The following MYB variants were observed in gnomAD, a reference collection of about 807,000 sequenced individuals.
MYB encodes MYB proto-oncogene, transcription factor, also known as transcriptional activator Myb.
MYB carries 28 observed loss-of-function variants against 92.9 expected under a neutral mutation model. That is an observed-to-expected ratio of 0.30 (90% CI 0.22 to 0.41). The LOEUF is 0.41. Among genes scored for constraint, MYB ranks in the 10% least tolerant of loss-of-function variants. The pLI is 1.00. For synonymous variants in MYB, 295 were observed against 329.1 expected (o/e 0.90, Z 1.12); for missense variants, 679 against 929.3 (o/e 0.73, Z 3.50).
At chr6:135,199,463 T>C (rs1196567817) in intron 11 of MYB, 5 of 483,588 alleles carry the variant, frequency 1.0e-5, no homozygotes, top group Non-Finnish European at 1.5e-5. Flanking sequence ...TATTTGTTTA[T>C]TATTTATTTA....
rs551904841 is a variant in MYB, at chr6:135,182,880, C to T, written c.23+1344C>T. Reference sequence around the variant, plus strand: ...TGGTTGGGCTCTGGGGACGAGAGGGCGACTTGGGGGAGCTCCGGGCTCCCT... The same window carrying T: ...TGGTTGGGCTCTGGGGACGAGAGGGTGACTTGGGGGAGCTCCGGGCTCCCT... On this transcript the variant is annotated intron_variant, in intron 1 of 15. Transcript: ENST00000341911. This position sits in a 1 kb window ranked among gnomAD's most constrained non-coding sequence, Gnocchi z 5.6. Among the ~76,000 whole-genome samples the T allele has an allele frequency of 6.6e-6, 1 of 152,128 alleles. No homozygotes were observed. Among genetic ancestry groups the T allele is most frequent in the African/African-American group, 2.4e-5 (1 of 41,528 alleles).
chr6:135,212,848 C>G (rs181568392), intron 15 of MYB, among the ~76,000 whole-genome samples: 99 of 152,268 alleles, frequency 6.5e-4, no homozygotes, highest in Non-Finnish European at 1.1e-3. Context: ...AAATGTTCTT[C>G]CAGCACAAAG....
intron 1 of MYB, among the ~76,000 whole-genome samples, chr6:135,184,880 C>T (rs1330274907): frequency 1.3e-5 from 2 of 151,834 alleles, no homozygotes; most frequent in Admixed American, 1.3e-4. Context: ...TAAAATAAAC[C>T]GTGTCTGTAA....
rs754667702 is a variant in MYB, at chr6:135,200,337, A to T, written c.1872A>T (p.Lys624Asn). The change falls in exon 13 of 16, where the codon AAA (lysine) becomes AAT (asparagine). Residue 624 changes from lysine to asparagine, a missense_variant. By Grantham distance (94) the Lys-to-Asn change is moderately conservative. This residue lies in a region of MYB where 402 missense variants were observed against 434.2 expected (regional missense o/e 0.93). Transcript: ENST00000341911. ...TAGAAGATCTGCAGGATGTGATCAA[A>T]CAGGAATCTGATGAATCTGGAATTG... is the stretch of plus-strand genomic sequence containing the variant. ...HLVEDLQDVI[K>N]QESDESGIVA... 1 of 1,614,160 alleles carries T rather than the reference A, an allele frequency of 6.2e-7. No homozygotes were observed. The highest frequency in any genetic ancestry group is 1.7e-5 in the Admixed American group (1 of 60,028).
chr6:135,217,772 A>T, intron 15 of MYB, 92 bp from the exon 16 acceptor site: 1 of 849,274 alleles, frequency 1.2e-6, no homozygotes, highest in Non-Finnish European at 2.0e-6. Context: ...GGTGTCAACC[A>T]CTTGCCATCT....
chr6:135,183,114 C>T (rs1052026780), intron 1 of MYB, among the ~76,000 whole-genome samples: 5 of 149,804 alleles, frequency 3.3e-5, no homozygotes, highest in African/African-American at 9.8e-5. Flanking sequence ...CCCGAGGTCT[C>T]GGCCGCCCCC....
intron 15 of MYB, among the ~76,000 whole-genome samples, chr6:135,216,769 C>T (rs1252803066): frequency 6.6e-6 from 1 of 152,124 alleles, no homozygotes; most frequent in African/African-American, 2.4e-5. Flanking sequence ...AATCATCTTA[C>T]GTCCTTTTGG....
In MYB at chr6:135,210,565, A is replaced by C. The variant is rs556362833; in HGVS notation, c.2169+7241A>C. On this transcript the variant is annotated intron_variant, in intron 15 of 15. Coordinates refer to ENST00000341911, the MANE Select transcript of MYB (RefSeq NM_001130173.2). ...TCTATGAACTTTTATATTTTTCAAA[A>C]AAATAAGGCAAGCCCTTTTTGCCTG... Among the ~76,000 whole-genome samples the C allele has an allele frequency of 2.6e-5, 4 of 152,372 alleles. No individual in the cohort carries two copies. The South Asian group carries it at 6.2e-4, about 24-fold the overall frequency.
chr6:135,190,413 T>C lies in MYB; in HGVS notation c.527+66T>C. 1 of 1,222,924 alleles carries C rather than the reference T, an allele frequency of 8.2e-7. No individual in the cohort carries two copies. The highest frequency in any genetic ancestry group is 1.2e-6 in the Non-Finnish European group (1 of 844,634). The allele number at this position is 1,222,924 out of a possible 1,614,324, so 75.8% of individuals were successfully genotyped here. ...GGGAGTGGGTATTGAACATTCTGCTTTAAATGTATGGTGAGTAAATTATAT... is the reference window on the plus strand; with the variant it reads ...GGGAGTGGGTATTGAACATTCTGCTCTAAATGTATGGTGAGTAAATTATAT... On this transcript the variant is annotated intron_variant, in intron 5 of 15. Coordinates refer to ENST00000341911, the MANE Select transcript of MYB (RefSeq NM_001130173.2). The surrounding 1 kb of genome is among the most constrained non-coding windows in gnomAD (Gnocchi z 4.5).
At chr6:135,197,368 A>G in intron 10 of MYB, 45 bp downstream of exon 10, 1 of 1,436,748 alleles carries the variant, frequency 7.0e-7, no homozygotes, top group South Asian at 1.3e-5. Context: ...TTCAACAGAC[A>G]CCTGAGCCTT....
Position 135,187,861 on chromosome 6 carries a change from C to A in MYB, c.169C>A (p.Gln57Lys). The change falls in exon 3 of 16, where the codon CAG becomes AAG. Residue 57 changes from glutamine (Q) to lysine (K), a missense_variant. Gln to Lys is a moderately conservative substitution (Grantham distance 53, BLOSUM62 1). Around this residue, in one of 8 missense-constraint regions of MYB, gnomAD observed 88 missense variants for 145.6 expected, o/e 0.60. Transcript: ENST00000341911. The part of the protein sequence containing the change: ...EDEKLKKLVE[Q>K]NGTDDWKVIA... ...TGAAAAACTGAAGAAGCTGGTGGAA[C>A]AGAATGGAACAGATGACTGGAAAGT... The A allele has an allele frequency of 6.2e-7, 1 of 1,609,780 alleles. No individual in the cohort carries two copies. Among genetic ancestry groups the A allele is most frequent in the Non-Finnish European group, 8.5e-7 (1 of 1,177,630 alleles).
rs1320325827 is a variant in MYB at position 135,181,922 on chromosome 6, G to A, written c.23+386G>A. On this transcript the variant is annotated intron_variant, in intron 1 of 15. Transcript: ENST00000341911. This position sits in a 1 kb window ranked among gnomAD's most constrained non-coding sequence, Gnocchi z 5.3. The stretch of plus-strand genomic sequence containing the variant: ...CGAGGGATCCGCAGCGTAATTGCTG[G>A]ATGCATTGAGATATGTTTGGACTTG... 6.6e-6 allele frequency among the ~76,000 whole-genome samples: 1 copy of A among 152,230 alleles called. No homozygotes were observed. Among genetic ancestry groups the A allele is most frequent in the Admixed American group, 6.5e-5 (1 of 15,290 alleles).
At chr6:135,189,460 A>G (rs1776362092) in intron 3 of MYB, among the ~76,000 whole-genome samples, 2 of 152,196 alleles carry the variant, frequency 1.3e-5, no homozygotes, top group South Asian at 2.1e-4. Flanking sequence ...TAGAATCTCT[A>G]TCAAGCCTCA....
At chr6:135,189,969 A>G (rs2128289607) in intron 4 of MYB, 86 bp downstream of exon 4, 1 of 1,480,056 alleles carries the variant, frequency 6.8e-7, no homozygotes, top group East Asian at 2.3e-5. Flanking sequence ...AAGCAGGTAA[A>G]ATGGGCAAAC....
At chr6:135,206,074 C>T (rs1032542835) in intron 15 of MYB, among the ~76,000 whole-genome samples, 63 of 151,544 alleles carry the variant, frequency 4.2e-4, no homozygotes, top group Admixed American at 7.2e-4. Flanking sequence ...GGCGTAGTGG[C>T]GGGCACCTGT....
chr6:135,215,027 A>G (rs1008840869), intron 15 of MYB, among the ~76,000 whole-genome samples: 1 of 152,252 alleles, frequency 6.6e-6, no homozygotes, highest in Non-Finnish European at 1.5e-5. Flanking sequence ...CTTGCTATGT[A>G]GTATTTCAAG....
chr6:135,197,954 G>A (rs1777558956), intron 10 of MYB, among the ~76,000 whole-genome samples: 2 of 152,092 alleles, frequency 1.3e-5, no homozygotes, highest in Admixed American at 1.3e-4. Flanking sequence ...ATTTCATACA[G>A]CTTTTTTAAG....
intron 7 of MYB, among the ~76,000 whole-genome samples, 163 bp downstream of exon 7, chr6:135,194,081 G>C (rs1289859274): frequency 6.6e-6 from 1 of 152,206 alleles, no homozygotes; most frequent in Admixed American, 6.5e-5. Context: ...TTGTCTTCTA[G>C]AATGAGTTTG....
Position 135,201,748 on chromosome 6 carries a change from C to T in MYB, c.2060C>T (p.Pro687Leu), listed in dbSNP as rs1583339371. 6.1e-6 allele frequency: 9 copies of T among 1,465,904 alleles called. No individual in the cohort carries two copies. The highest frequency in any genetic ancestry group is 7.3e-6 in the Non-Finnish European group (8 of 1,093,450). 90.8% of individuals were successfully genotyped at this position (1,465,904 alleles called of 1,614,324 possible). ...CAGACCTCGCCTGTGGCAGATGCACCGGTAAGTACGTGTGCACCAGCCCCC... is the reference window on the plus strand; with the variant it reads ...CAGACCTCGCCTGTGGCAGATGCACTGGTAAGTACGTGTGCACCAGCCCCC... ...FTQTSPVADA[P>L]NILTSSVLMA... Residue 687 changes from proline (P) to leucine (L), a missense_variant and splice_region_variant, in exon 14 of 16, where the codon CCG (proline) becomes CTG (leucine). Coordinates refer to ENST00000341911, the MANE Select transcript of MYB (RefSeq NM_001130173.2).
Sources: gnomAD v4.1 joint callset for allele counts (sites outside exome capture counted in the v4.1 genomes callset) on GRCh38, gnomAD v4.1.1 for gene constraint, gnomAD v4.1.1 regional missense constraint, Gnocchi (gnomAD v3.1) non-coding constraint, MANE v1.5 for transcripts, NCBI Gene and HGNC (gene_info 2026-07-23, HGNC 2026-07-21) for gene names.